Variants in SPDYE16 observed in about 807,000 individuals in gnomAD.
SPDYE16 encodes the protein speedy/RINGO cell cycle regulator family member E16, also known as speedy protein E16.
In SPDYE16, 5 loss-of-function variants were observed where a neutral mutation model predicts 40.1. The observed-to-expected ratio is 0.12, with a 90% CI of 0.07 to 0.26. The LOEUF (loss-of-function observed/expected upper bound fraction) is 0.26. Among genes scored for constraint, SPDYE16 ranks in the 10% least tolerant of loss-of-function variants. The probability of loss-of-function intolerance (pLI) is 1.00; values close to 1 mark genes in which losing one functional copy is unlikely to be tolerated. For missense variants in SPDYE16, 98 were observed against 409.8 expected (o/e 0.24, Z 6.57); for synonymous variants, 40 against 154.2 (o/e 0.26, Z 5.49).
At chr7:76,541,268 T>G (rs2116726202) in intron 2 of SPDYE16, 32 bp downstream of exon 2, 1 of 1,532,578 alleles carries the variant, frequency 6.5e-7, no homozygotes, top group Admixed American at 2.0e-5. Flanking sequence ...TAGTCAATCC[T>G]ATCCCACCTC....
At chr7:76,542,005 A>G (rs377389328) in intron 1 of SPDYE16, among the ~76,000 whole-genome samples, 125 bp from the exon 2 acceptor site, 36 of 116,768 alleles carry the variant, frequency 3.1e-4, no homozygotes, top group Non-Finnish European at 6.3e-4. Flanking sequence ...ATTATCATGT[A>G]CAAGAGTGAG....
chr7:76,540,926 T>A (rs1311935498), intron 2 of SPDYE16, among the ~76,000 whole-genome samples: 1 of 144,100 alleles, frequency 6.9e-6, no homozygotes, highest in Non-Finnish European at 1.5e-5. Flanking sequence ...CCACACACCC[T>A]CCTCAGGTTC....
At chr7:76,535,852 C>T (rs1358664262) in intron 6 of SPDYE16, among the ~76,000 whole-genome samples, 1 of 85,966 alleles carries the variant, frequency 1.2e-5, no homozygotes, top group African/African-American at 6.2e-5. Context: ...TACAGATGCA[C>T]ACCACCACGC....
At position 76,537,488 on chromosome 7, in the gene SPDYE16, C is replaced by A. The variant is rs1813064142; in HGVS notation, c.669+5G>T. 1.3e-6 allele frequency: 1 copy of A among 750,300 alleles called. No homozygotes were observed. Among genetic ancestry groups the A allele is most frequent in the Non-Finnish European group, 1.9e-6 (1 of 531,934 alleles). The allele number at this position is 750,300 out of a possible 1,614,324, so 46.5% of individuals were successfully genotyped here. The stretch of plus-strand genomic sequence containing the variant: ...CAGGAACAGTTACATGGAGAACAAC[C>A]TTACCTTGTCCGACACCCTCAGATC... On this transcript the variant is annotated splice_donor_5th_base_variant and intron_variant, in intron 5 of 8. Coordinates refer to ENST00000633306, the MANE Select transcript of SPDYE16 (RefSeq NM_001394943.1).
rs1473900171 is a variant in SPDYE16, at chr7:76,533,320, C to T, written c.*45+329G>A. Reference sequence around the variant, plus strand: ...TCGACCCAAATCGGTAACTCAAGTGCGTCAGTCATAATGAACCTCCCCAAA... The same window carrying T: ...TCGACCCAAATCGGTAACTCAAGTGTGTCAGTCATAATGAACCTCCCCAAA... On this transcript the variant is annotated intron_variant, in intron 8 of 8. Coordinates refer to ENST00000633306, the MANE Select transcript of SPDYE16 (RefSeq NM_001394943.1). 4.9e-5 allele frequency: 32 copies of T among 657,860 alleles called. 8 individuals carry two copies. The highest frequency in any genetic ancestry group is 2.3e-4 in the African/African-American group (6 of 26,418). The allele number at this position is 657,860 out of a possible 1,614,324, so 40.8% of individuals were successfully genotyped here.
chr7:76,537,992 T>TGA (rs1813072487), intron 4 of SPDYE16, among the ~76,000 whole-genome samples: 1 of 81,684 alleles, frequency 1.2e-5, no homozygotes, highest in Non-Finnish European at 2.4e-5. Flanking sequence ...GAAACCACTT[T>TGA]CTTTGTTTAT....
At chr7:76,538,358 A>G (rs2906489) in intron 4 of SPDYE16, among the ~76,000 whole-genome samples, 66,492 of 113,678 alleles carry the variant, frequency 0.58, 20,885 homozygotes, top group African/African-American at 0.74. Context: ...GAGCCACTGC[A>G]CCTGGCCTGA....
rs1242661971 is a variant in SPDYE16 at position 76,531,908 on chromosome 7, A to T, written c.*932T>A. ...TTTTCAAAATAAACCAATAAATTAG[A>T]TAGTATATATTAGACGTGTTAGTAT... On this transcript the variant is annotated 3_prime_UTR_variant, in exon 9 of 9. Coordinates refer to ENST00000633306, the MANE Select transcript of SPDYE16 (RefSeq NM_001394943.1). 6 of 82,274 alleles carry T rather than the reference A, an allele frequency of 7.3e-5. 2 individuals carry two copies. Among genetic ancestry groups the T allele is most frequent in the Non-Finnish European group, 1.4e-4 (6 of 42,222 alleles). The allele number at this position is 82,274 out of a possible 1,614,324, so 5.1% of individuals were successfully genotyped here.
In SPDYE16 at chr7:76,533,771, C is replaced by T; in HGVS notation, c.1000-18G>A. 1 of 1,067,006 alleles carries T rather than the reference C, an allele frequency of 9.4e-7. No homozygotes were observed. The highest frequency in any genetic ancestry group is 1.3e-6 in the Non-Finnish European group (1 of 784,098). The allele number at this position is 1,067,006 out of a possible 1,614,324, so 66.1% of individuals were successfully genotyped here. On this transcript the variant is annotated intron_variant, in intron 7 of 8. Transcript: ENST00000633306. ...GCCTGGATCTGGAAAAACAAACGCC[C>T]TTTGAGAAGACAGGGACTCGCCAGG...
intron 1 of SPDYE16, among the ~76,000 whole-genome samples, 144 bp from the exon 2 acceptor site, chr7:76,542,024 G>GCAAGAGTGAGAT (rs1563775784): frequency 5.8e-4 from 86 of 148,156 alleles, no homozygotes; most frequent in Non-Finnish European, 9.7e-4. Context: ...AGATTATCAT[G>GCAAGAGTGAGAT]TACAAGAGTG....
At chr7:76,537,737 C>T (rs1813068634) in intron 4 of SPDYE16, among the ~76,000 whole-genome samples, 186 bp from the exon 5 acceptor site, 2 of 71,778 alleles carry the variant, frequency 2.8e-5, no homozygotes, top group Admixed American at 2.6e-4. Flanking sequence ...TCTGAGACTC[C>T]CCTGAGAAGA....
chr7:76,542,047 A>G (rs2903795), intron 1 of SPDYE16, among the ~76,000 whole-genome samples, 167 bp from the exon 2 acceptor site: 192 of 122,026 alleles, frequency 1.6e-3, no homozygotes, highest in Non-Finnish European at 3.1e-3. Flanking sequence ...ATTATCATGT[A>G]CAAGAGTGAG....
At chr7:76,542,018 TATC>T (rs1813200871) in intron 1 of SPDYE16, among the ~76,000 whole-genome samples, 138 bp from the exon 2 acceptor site, 2 of 143,374 alleles carry the variant, frequency 1.4e-5, no homozygotes, top group South Asian at 2.1e-4. Context: ...AGAGTGAGAT[TATC>T]ATGTACAAGA....
At position 76,541,850 on chromosome 7, in the gene SPDYE16, A is replaced by G. The variant is rs3972928; in HGVS notation, c.-391T>C. ...GCCTGAAGCATGTTGGGGTCTCTTC[A>G]TCTCTGTACATGCCCATTTCAGAGT... On this transcript the variant is annotated 5_prime_UTR_variant, in exon 2 of 9. An upstream start codon of the reference 5' UTR is lost. Coordinates refer to ENST00000633306, the MANE Select transcript of SPDYE16 (RefSeq NM_001394943.1). Among the ~76,000 whole-genome samples, 241 of 119,710 alleles carry G rather than the reference A, an allele frequency of 2.0e-3. No homozygotes were observed. In the East Asian group the frequency reaches 0.025, roughly 13 times the overall value. 78.5% of individuals were successfully genotyped at this position (119,710 alleles called of 152,430 possible).
intron 1 of SPDYE16, among the ~76,000 whole-genome samples, 58 bp from the exon 2 acceptor site, chr7:76,541,938 C>T (rs1188930316): frequency 7.5e-4 from 98 of 130,056 alleles, no homozygotes; most frequent in African/African-American, 3.1e-3. Flanking sequence ...AACGATGAAA[C>T]CTTATAAGAG....
Position 76,541,338 on chromosome 7 carries a change from A to G in SPDYE16, c.122T>C (p.Leu41Pro). The G allele has an allele frequency of 6.5e-7, 1 of 1,534,796 alleles. No homozygotes were observed. The highest frequency in any genetic ancestry group is 1.2e-5 in the South Asian group (1 of 83,960). Residue 41 changes from leucine to proline, a missense_variant, in exon 2 of 9, where the codon CTC (leucine) becomes CCC (proline). Transcript: ENST00000633306. ...SPQRSTSGYSLQEVVDDEVLG... is the reference protein window; with the variant it reads ...SPQRSTSGYSPQEVVDDEVLG... ...CACTTCATCATCCACCACCTCCTGG[A>G]GGGAGTACCCCGAGGTGCTCCGCTG...
intron 2 of SPDYE16, 65 bp downstream of exon 2, chr7:76,541,235 C>T: frequency 6.7e-7 from 1 of 1,486,616 alleles, no homozygotes; most frequent in Admixed American, 2.2e-5. Context: ...TGAGCCACCG[C>T]ACCTGGCCCC....
In SPDYE16 at chr7:76,534,040, A is replaced by T; in HGVS notation, c.835T>A (p.Ser279Thr). The change falls in exon 7 of 9, where the codon TCT becomes ACT. Residue 279 changes from serine (S) to threonine (T), a missense_variant. By Grantham distance (58) the Ser-to-Thr change is moderately conservative. Transcript: ENST00000633306. The part of the protein sequence containing the change: ...IFYFLYGKTR[S>T]RIPLVRNRRF... Reference sequence around the variant, plus strand: ...CGGTTACGGACCAAGGGTATGCGAGAGCGGGTCTTCCCATACAGGAAGTAG... The same window carrying T: ...CGGTTACGGACCAAGGGTATGCGAGTGCGGGTCTTCCCATACAGGAAGTAG... The T allele has an allele frequency of 1.3e-6, 2 of 1,528,048 alleles. No individual in the cohort carries two copies. The highest frequency in any genetic ancestry group is 1.8e-6 in the Non-Finnish European group (2 of 1,139,184). 94.7% of individuals were successfully genotyped at this position (1,528,048 alleles called of 1,614,324 possible).
chr7:76,541,384 G>A lies in SPDYE16; in HGVS notation c.76C>T (p.Pro26Ser), dbSNP rs1405440735. Reference sequence around the variant, plus strand: ...CGCTGGGGACTCTGCTCATTCTGGGGGTGAGGTTGACGGCTGGTCGTGATC... The same window carrying A: ...CGCTGGGGACTCTGCTCATTCTGGGAGTGAGGTTGACGGCTGGTCGTGATC... Reference protein sequence around the residue: ...GKITTSRQPHPQNEQSPQRST... With the variant: ...GKITTSRQPHSQNEQSPQRST... The change falls in exon 2 of 9, where the codon CCC (proline) becomes TCC (serine). Residue 26 changes from proline (P) to serine (S), a missense_variant. Physicochemically the swap from Pro to Ser is moderately conservative, Grantham distance 74. Coordinates refer to ENST00000633306, the MANE Select transcript of SPDYE16 (RefSeq NM_001394943.1). 1 of 1,534,640 alleles carries A rather than the reference G, an allele frequency of 6.5e-7. No individual in the cohort carries two copies.
Sources: allele counts gnomAD v4.1 joint callset (sites outside exome capture counted in the v4.1 genomes callset), GRCh38; gene constraint gnomAD v4.1.1; transcripts MANE v1.5; gene names NCBI Gene and HGNC (gene_info 2026-07-23, HGNC 2026-07-21).